ABL2: variants seen among roughly 807,000 people sequenced by gnomAD.
ABL2 encodes ABL proto-oncogene 2, non-receptor tyrosine kinase, also known as tyrosine-protein kinase ABL2.
ABL2 carries 49 observed loss-of-function variants against 107.7 expected under a neutral mutation model. The ratio of observed to expected loss-of-function variants is 0.45; its 90% CI spans 0.36 to 0.58. The LOEUF is 0.58. Ranked by LOEUF, ABL2 falls within the 20% of genes least tolerant of loss-of-function variation. The pLI, the probability that ABL2 is intolerant of heterozygous loss-of-function variation, is 0.00. For missense variants in ABL2, 1,245 were observed against 1,457.0 expected, an observed-to-expected ratio of 0.85 and a Z score of 2.37; for synonymous variants, 549 against 548.6, an observed-to-expected ratio of 1.00 and a Z score of -0.01.
At chr1:179,187,032 C>A (rs970523900) in intron 1 of ABL2, among the ~76,000 whole-genome samples, 6 of 152,122 alleles carry the variant, frequency 3.9e-5, no homozygotes, top group African/African-American at 1.4e-4. Flanking sequence ...ACGCCCGGCC[C>A]CATTACCATT....
At position 179,108,819 on chromosome 1, in the gene ABL2, C is replaced by T. The variant is rs1653736502; in HGVS notation, c.2448G>A (p.Val816=). The T allele has an allele frequency of 3.7e-6, 6 of 1,614,196 alleles. No individual in the cohort carries two copies. The highest frequency in any genetic ancestry group is 2.2e-5 in the East Asian group (1 of 44,882). ...QRSKLQLERT[V]STSSQPEENV... ...TCTCTTCTGGCTGAGAAGAGGTGGA[C>T]ACTGTCCTTTCCAGCTGGAGTTTGG... is the stretch of plus-strand genomic sequence containing the variant. The change falls in exon 12 of 12, where the codon GTG becomes GTA. Residue 816 remains valine (V), a synonymous_variant. Coordinates refer to ENST00000502732, the MANE Select transcript of ABL2 (RefSeq NM_007314.4).
At position 179,200,038 on chromosome 1, in the gene ABL2, CCTTTTTTTTT is replaced by C. The variant is rs1661573455; in HGVS notation, c.157+29193_157+29202del. Among the ~76,000 whole-genome samples the C allele has an allele frequency of 5.9e-5, 7 of 119,000 alleles. No individual in the cohort carries two copies. In the South Asian group the frequency reaches 2.0e-3, roughly 34 times the overall value. The allele number at this position is 119,000 out of a possible 152,430, so 78.1% of individuals were successfully genotyped here. A position where few individuals can be genotyped will look rare whatever the true frequency, so the allele number is the denominator to read the frequency against. On this transcript the variant is annotated intron_variant, in intron 1 of 11. Transcript: ENST00000502732. ...GAGCCACTGCACCTGGCCCCCAATG[CCTTTTTTTTT>C]TTTTTTTTTTTTTTTTAAGACGGAG...
Position 179,108,293 on chromosome 1 carries a change from G to C in ABL2, c.2974C>G (p.Leu992Val), listed in dbSNP as rs1653656194. The C allele has an allele frequency of 1.2e-6, 2 of 1,613,952 alleles. No homozygotes were observed. Reference sequence around the variant, plus strand: ...GAGCAGATGGACGGATGCTGCAGTAGTCTCATCACTGGTGGTGGGGGTGGG... The same window carrying C: ...GAGCAGATGGACGGATGCTGCAGTACTCTCATCACTGGTGGTGGGGGTGGG... ...CAPPPPPVMR[L>V]LQHPSICSDP... The change falls in exon 12 of 12, where the codon CTA (leucine) becomes GTA (valine). Residue 992 changes from leucine (L) to valine (V), a missense_variant. By Grantham distance (32) the Leu-to-Val change is conservative. Transcript: ENST00000502732.
rs60189973 is a variant in ABL2, at chr1:179,142,692, T to C, written c.158-9318A>G. Among the ~76,000 whole-genome samples the C allele has an allele frequency of 6.6e-5, 10 of 152,336 alleles. No homozygotes were observed. In the East Asian group the frequency reaches 1.9e-3, roughly 29 times the overall value. ...ACAGTTTTCAATATAGCTTAAGTTC[T>C]TCACATCAAGCCATCTATATCTTAT... On this transcript the variant is annotated intron_variant, in intron 1 of 11. Coordinates refer to ENST00000502732, the MANE Select transcript of ABL2 (RefSeq NM_007314.4).
chr1:179,217,490 A>G (rs2124846648), intron 1 of ABL2, among the ~76,000 whole-genome samples: 1 of 151,562 alleles, frequency 6.6e-6, no homozygotes, highest in South Asian at 2.1e-4. Context: ...GCCGAGTGTG[A>G]TGGCATGCAC....
At position 179,214,519 on chromosome 1, in the gene ABL2, C is replaced by CATATATATATATAAT. The variant is rs1662453368; in HGVS notation, c.157+14721_157+14722insATTATATATATATAT. The stretch of plus-strand genomic sequence containing the variant: ...CAATGGAACAACAGTTTTAAAATGA[C>CATATATATATATAAT]ATATATATATATATATATATATATA... On this transcript the variant is annotated intron_variant, in intron 1 of 11. Coordinates refer to ENST00000502732, the MANE Select transcript of ABL2 (RefSeq NM_007314.4). Among the ~76,000 whole-genome samples, 4 of 122,146 alleles carry CATATATATATATAAT rather than the reference C, an allele frequency of 3.3e-5. No individual in the cohort carries two copies. The South Asian group carries it at 1.2e-3, about 36-fold the overall frequency. 80.1% of individuals were successfully genotyped at this position (122,146 alleles called of 152,430 possible).
At chr1:179,223,344 T>A (rs544954176) in intron 1 of ABL2, among the ~76,000 whole-genome samples, 8 of 151,202 alleles carry the variant, frequency 5.3e-5, no homozygotes, top group African/African-American at 1.7e-4. Context: ...AGCCAGGAGT[T>A]TGAGGCTGCA....
At chr1:179,220,701 T>A (rs780329573) in intron 1 of ABL2, among the ~76,000 whole-genome samples, 29 of 152,234 alleles carry the variant, frequency 1.9e-4, no homozygotes, top group Non-Finnish European at 3.2e-4. Context: ...TTTAAGCCAG[T>A]CTGAAAGTCT....
At chr1:179,183,153 T>A (rs1660477234) in intron 1 of ABL2, among the ~76,000 whole-genome samples, 1 of 152,026 alleles carries the variant, frequency 6.6e-6, no homozygotes, top group African/African-American at 2.4e-5. Context: ...GAGAACTGCA[T>A]GTTCTCACAA....
At chr1:179,160,239 G>A (rs1477415333) in intron 1 of ABL2, among the ~76,000 whole-genome samples, 1 of 151,740 alleles carries the variant, frequency 6.6e-6, no homozygotes, top group East Asian at 1.9e-4. Flanking sequence ...TTCAGCCGGG[G>A]GTGGTGGCTT....
At chr1:179,167,249 G>A (rs967027541) in intron 1 of ABL2, among the ~76,000 whole-genome samples, 4 of 152,168 alleles carry the variant, frequency 2.6e-5, no homozygotes, top group Non-Finnish European at 5.9e-5. Flanking sequence ...ATGAAATCAT[G>A]TCATCTGCAG....
chr1:179,185,118 G>C (rs1413959346), intron 1 of ABL2, among the ~76,000 whole-genome samples: 3 of 152,144 alleles, frequency 2.0e-5, no homozygotes, highest in Non-Finnish European at 4.4e-5. Flanking sequence ...AATATGGACA[G>C]TTAGCATTTA....
At position 179,105,259 on chromosome 1, in the gene ABL2, T is replaced by G; in HGVS notation, c.*2459A>C. 1 of 231,394 alleles carries G rather than the reference T, an allele frequency of 4.3e-6. No individual in the cohort carries two copies. Among genetic ancestry groups the G allele is most frequent in the Non-Finnish European group, 8.6e-6 (1 of 116,934 alleles). The allele number at this position is 231,394 out of a possible 1,614,324, so 14.3% of individuals were successfully genotyped here. A position where few individuals can be genotyped will look rare whatever the true frequency, so the allele number is the denominator to read the frequency against. On this transcript the variant is annotated 3_prime_UTR_variant, in exon 12 of 12. Coordinates refer to ENST00000502732, the MANE Select transcript of ABL2 (RefSeq NM_007314.4). ...CAGGGAGCCTAAATACACTCAGTAG[T>G]GTTTCTCCAAGGCTTAGTTCCAGAA...
chr1:179,196,776 C>CAA (rs532267646), intron 1 of ABL2, among the ~76,000 whole-genome samples: 8 of 140,832 alleles, frequency 5.7e-5, no homozygotes, highest in Non-Finnish European at 1.2e-4. Context: ...AACAAACAAA[C>CAA]AAAAAAAAAC....
chr1:179,153,192 A>G (rs373025263), intron 1 of ABL2, among the ~76,000 whole-genome samples: 1 of 152,334 alleles, frequency 6.6e-6, no homozygotes, highest in South Asian at 2.1e-4. Flanking sequence ...ATGGTGCCGG[A>G]TAACAGAAAT....
At chr1:179,226,346 C>T (rs1316392172) in intron 1 of ABL2, among the ~76,000 whole-genome samples, 4 of 144,130 alleles carry the variant, frequency 2.8e-5, no homozygotes, top group African/African-American at 1.0e-4. Context: ...CAGAGTCTCG[C>T]TCTGTCACCC....
chr1:179,131,375 A>T lies in ABL2; in HGVS notation c.327T>A (p.Pro109=). Residue 109 remains proline, a synonymous_variant, in exon 3 of 12, where the codon CCT becomes CCA. Coordinates refer to ENST00000502732, the MANE Select transcript of ABL2 (RefSeq NM_007314.4). ...AATCATAAAGTGCAACGAAGAGATT[A>T]GGGTCACTCTCAGTGGCTCCGAGCA... ...ENLLGATESD[P]NLFVALYDFV... is the part of the protein sequence containing the mutation. 1 of 1,614,204 alleles carries T rather than the reference A, an allele frequency of 6.2e-7. No individual in the cohort carries two copies. Among genetic ancestry groups the T allele is most frequent in the Non-Finnish European group, 8.5e-7 (1 of 1,180,026 alleles).
At chr1:179,109,794 G>A (rs1460727774) in intron 11 of ABL2, among the ~76,000 whole-genome samples, 2 of 152,130 alleles carry the variant, frequency 1.3e-5, no homozygotes. Context: ...TGGGCATGGT[G>A]GCGGGCGCCT....
chr1:179,171,281 G>A (rs1659702423), intron 1 of ABL2, among the ~76,000 whole-genome samples: 1 of 152,102 alleles, frequency 6.6e-6, no homozygotes, highest in Non-Finnish European at 1.5e-5. Context: ...CCCACTTATA[G>A]TAGGATTTTA....
Sources: allele counts gnomAD v4.1 joint callset (sites outside exome capture counted in the v4.1 genomes callset), GRCh38; gene constraint gnomAD v4.1.1; transcripts MANE v1.5; gene names NCBI Gene and HGNC (gene_info 2026-07-23, HGNC 2026-07-21).